Variants in TNS3 observed in about 807,000 individuals in gnomAD.
TNS3 encodes tensin 3.
Under a neutral mutation model 140.9 loss-of-function variants are expected in TNS3, and 45 were observed. The observed-to-expected ratio is 0.32, with a 90% CI of 0.25 to 0.41. The LOEUF (loss-of-function observed/expected upper bound fraction) is 0.41, where lower values mean the gene tolerates loss of function less well. TNS3 is among the 10% of genes least tolerant of loss of function. TNS3 has a pLI of 1.00. For missense variants in TNS3, 1,716 were observed against 1,906.7 expected, an observed-to-expected ratio of 0.90 and a Z score of 1.86; for synonymous variants, 815 against 788.4, an observed-to-expected ratio of 1.03 and a Z score of -0.56.
chr7:47,322,670 A>AT (rs1787814694), intron 20 of TNS3, among the ~76,000 whole-genome samples: 1 of 152,222 alleles, frequency 6.6e-6, no homozygotes, highest in African/African-American at 2.4e-5. Flanking sequence ...TATGACGAAC[A>AT]TAAAACTGAG....
At chr7:47,415,069 G>A in intron 11 of TNS3, 25 bp downstream of exon 11, 1 of 1,572,188 alleles carries the variant, frequency 6.4e-7, no homozygotes, top group Admixed American at 1.7e-5. Flanking sequence ...CCAATCGCAG[G>A]TGCCACGTCA....
At position 47,571,843 on chromosome 7, in the gene TNS3, G is replaced by A. The variant is rs564269207; in HGVS notation, c.-265+10208C>T. ...GCGTGTCTAGCCCTGTCAGCATGCC[G>A]CTGGCCACACAGCTGTGCTTGCCCC... On this transcript the variant is annotated intron_variant, in intron 1 of 30. Coordinates refer to ENST00000311160, the MANE Select transcript of TNS3 (RefSeq NM_022748.12). 6.6e-5 allele frequency among the ~76,000 whole-genome samples: 10 copies of A among 152,326 alleles called. No individual in the cohort carries two copies. In the East Asian group the frequency reaches 1.4e-3, roughly 21 times the overall value.
At chr7:47,328,336 G>A (rs1383279163) in intron 20 of TNS3, among the ~76,000 whole-genome samples, 1 of 152,304 alleles carries the variant, frequency 6.6e-6, no homozygotes, top group East Asian at 1.9e-4. Flanking sequence ...TCACTGCTGC[G>A]GTTTGCTTCC....
At chr7:47,419,288 C>G (rs574659627) in intron 10 of TNS3, among the ~76,000 whole-genome samples, 1 of 152,236 alleles carries the variant, frequency 6.6e-6, no homozygotes, top group Non-Finnish European at 1.5e-5. Context: ...AAGTGTGTGG[C>G]TCCCTGAGGA....
At chr7:47,455,647 C>A (rs1411758061) in intron 4 of TNS3, among the ~76,000 whole-genome samples, 1 of 152,134 alleles carries the variant, frequency 6.6e-6, no homozygotes, top group Admixed American at 6.5e-5. Flanking sequence ...GAATCCTGTC[C>A]TGGAGGTGCT....
intron 4 of TNS3, chr7:47,470,415 C>T (rs1266275502): frequency 2.1e-6 from 2 of 972,934 alleles, no homozygotes; most frequent in East Asian, 1.1e-4. Context: ...AGAATCTGTG[C>T]CATAAAAGAA....
intron 2 of TNS3, among the ~76,000 whole-genome samples, chr7:47,527,907 CAA>C (rs563029994): frequency 5.8e-4 from 54 of 92,662 alleles, no homozygotes; most frequent in Non-Finnish European, 5.3e-4. Flanking sequence ...ACCCTGTCTC[CAA>C]AAAAAAAAAA....
chr7:47,395,645 G>A (rs1792786197), intron 16 of TNS3, among the ~76,000 whole-genome samples: 1 of 152,160 alleles, frequency 6.6e-6, no homozygotes, highest in Admixed American at 6.5e-5. Context: ...TATCTGGAAG[G>A]ACTGGTGTGC....
In TNS3 at chr7:47,428,349, T is replaced by C. The variant is rs181109165; in HGVS notation, c.352A>G (p.Ile118Val). The change falls in exon 9 of 31, where the codon ATA becomes GTA. Residue 118 changes from isoleucine (I) to valine (V), a missense_variant. Coordinates refer to ENST00000311160, the MANE Select transcript of TNS3 (RefSeq NM_022748.12). Reference sequence around the variant, plus strand: ...TTGGTGAAATGCATGTAGGATGATATGACCACTCCTATGCGTCCTTTCCCG... The same window carrying C: ...TTGGTGAAATGCATGTAGGATGATACGACCACTCCTATGCGTCCTTTCCCG... Reference protein sequence around the residue: ...RGGKGRIGVVISSYMHFTNVS... With the variant: ...RGGKGRIGVVVSSYMHFTNVS... The C allele has an allele frequency of 4.8e-5, 70 of 1,454,446 alleles. No homozygotes were observed. In the African/African-American group the frequency reaches 7.6e-4, roughly 16 times the overall value. The allele number at this position is 1,454,446 out of a possible 1,614,324, so 90.1% of individuals were successfully genotyped here. A position where few individuals can be genotyped will look rare whatever the true frequency, so the allele number is the denominator to read the frequency against.
chr7:47,344,769 T>C lies in TNS3; in HGVS notation c.2636A>G (p.His879Arg), dbSNP rs1276775552. The C allele has an allele frequency of 6.2e-7, 1 of 1,612,792 alleles. No homozygotes were observed. Among genetic ancestry groups the C allele is most frequent in the Non-Finnish European group, 8.5e-7 (1 of 1,179,924 alleles). The part of the protein sequence containing the change: ...EPPLSSPASQ[H>R]KGGREPRSCP... ...AGATTTCTTACCACGTCCTCCTTTG[T>C]GCTGACTGGCTGGGCTGCTCAGCGG... Residue 879 changes from histidine to arginine, a missense_variant, in exon 20 of 31, where the codon CAC becomes CGC. Physicochemically the swap from His to Arg is conservative, Grantham distance 29. Around this residue, in one of 3 missense-constraint regions of TNS3, gnomAD observed 1,163 missense variants for 1,182.1 expected, o/e 0.98. Coordinates refer to ENST00000311160, the MANE Select transcript of TNS3 (RefSeq NM_022748.12).
chr7:47,467,199 G>A (rs1265956770), intron 4 of TNS3, among the ~76,000 whole-genome samples: 3 of 152,224 alleles, frequency 2.0e-5, no homozygotes, highest in Non-Finnish European at 2.9e-5. Flanking sequence ...TTTCTGGAAA[G>A]ACAGGCCATG....
chr7:47,311,570 A>T (rs1342054097), intron 20 of TNS3, among the ~76,000 whole-genome samples: 1 of 152,222 alleles, frequency 6.6e-6, no homozygotes, highest in Admixed American at 6.5e-5. Context: ...CAGCAAAAGA[A>T]ATTGTGAGTG....
At chr7:47,326,224 G>T (rs1462033156) in intron 20 of TNS3, among the ~76,000 whole-genome samples, 1 of 152,128 alleles carries the variant, frequency 6.6e-6, no homozygotes, top group African/African-American at 2.4e-5. Context: ...CCACACATAG[G>T]TGTTATCTGA....
intron 20 of TNS3, among the ~76,000 whole-genome samples, chr7:47,338,734 A>G (rs2150959214): frequency 6.6e-6 from 1 of 152,220 alleles, no homozygotes; most frequent in African/African-American, 2.4e-5. Flanking sequence ...TCTTTATCCA[A>G]TTCACTGTTG....
intron 10 of TNS3, among the ~76,000 whole-genome samples, chr7:47,420,032 C>G (rs111963548): frequency 5.5e-4 from 84 of 152,268 alleles, no homozygotes; most frequent in African/African-American, 1.9e-3. Flanking sequence ...CTTGGTAAAT[C>G]GGCTATATCT....
At chr7:47,413,671 A>G (rs1000967209) in intron 12 of TNS3, among the ~76,000 whole-genome samples, 11 of 152,000 alleles carry the variant, frequency 7.2e-5, no homozygotes, top group African/African-American at 2.7e-4. Context: ...TCTCCCCTCA[A>G]AATTCCAGCC....
At chr7:47,333,878 A>G (rs1243125120) in intron 20 of TNS3, among the ~76,000 whole-genome samples, 1 of 152,242 alleles carries the variant, frequency 6.6e-6, no homozygotes, top group African/African-American at 2.4e-5. Flanking sequence ...GCATATTCAT[A>G]GGCTGAAATC....
At chr7:47,534,764 T>A (rs1005938775) in intron 1 of TNS3, among the ~76,000 whole-genome samples, 5 of 152,232 alleles carry the variant, frequency 3.3e-5, no homozygotes, top group Non-Finnish European at 5.9e-5. Flanking sequence ...AGGTTGTGTG[T>A]TCAGTGCTCT....
Position 47,275,815 on chromosome 7 carries a change from G to A in TNS3, c.*2261C>T, listed in dbSNP as rs768011719. On this transcript the variant is annotated 3_prime_UTR_variant, in exon 31 of 31. Coordinates refer to ENST00000311160, the MANE Select transcript of TNS3 (RefSeq NM_022748.12). ...CCTGGCCAATGAGTTCAAAAAGCAC[G>A]TTTGCAGGGCTTCCTGAATGCCGTC... 3.7e-5 allele frequency: 17 copies of A among 455,982 alleles called. No homozygotes were observed. Among genetic ancestry groups the A allele is most frequent in the Admixed American group, 1.9e-4 (8 of 42,572 alleles). The allele number at this position is 455,982 out of a possible 1,614,324, so 28.2% of individuals were successfully genotyped here.
Sources: allele counts gnomAD v4.1 joint callset (sites outside exome capture counted in the v4.1 genomes callset), GRCh38; gene constraint gnomAD v4.1.1; regional missense constraint gnomAD v4.1.1; transcripts MANE v1.5; gene names NCBI Gene and HGNC (gene_info 2026-07-23, HGNC 2026-07-21).